The following STXBP6 variants were observed in gnomAD, a reference collection of about 807,000 sequenced individuals.
STXBP6 encodes syntaxin-binding protein 6.
Under a neutral mutation model 26.9 loss-of-function variants are expected in STXBP6, and 21 were observed. That is an observed-to-expected ratio of 0.78 (90% CI 0.55 to 1.12). STXBP6 has a LOEUF of 1.12. Ranked by LOEUF, STXBP6 falls within the 50% of genes most tolerant of loss-of-function variation. The probability of loss-of-function intolerance (pLI) is 0.00; values close to 1 mark genes in which losing one functional copy is unlikely to be tolerated. For missense variants in STXBP6, 232 were observed against 257.9 expected, an observed-to-expected ratio of 0.90 and a Z score of 0.69; for synonymous variants, 97 against 92.6, an observed-to-expected ratio of 1.05 and a Z score of -0.27.
At chr14:24,851,381 T>TCCCCCCC (rs71449217) in intron 4 of STXBP6, among the ~76,000 whole-genome samples, 1 of 123,394 alleles carries the variant, frequency 8.1e-6, no homozygotes, top group Non-Finnish European at 1.7e-5. Flanking sequence ...ATGCTATCCC[T>TCCCCCCC]CCCCCCTCCC....
rs2075778233 is a variant in STXBP6, at chr14:25,049,787, C to T, written c.-33+91G>A. On this transcript the variant is annotated intron_variant, in intron 1 of 5. Transcript: ENST00000323944. The surrounding 1 kb of genome is among the most constrained non-coding windows in gnomAD (Gnocchi z 5.6). ...ACAGCCACCCGCCTCGGACGGAGCG[C>T]CAGGCGCCCCAACAGCCGTGGCGGC... 1 of 985,618 alleles carries T rather than the reference C, an allele frequency of 1.0e-6. No homozygotes were observed. Among genetic ancestry groups the T allele is most frequent in the African/African-American group, 1.7e-5 (1 of 57,264 alleles). The allele number at this position is 985,618 out of a possible 1,614,324, so 61.1% of individuals were successfully genotyped here.
chr14:24,909,878 G>A (rs1010410721), intron 2 of STXBP6, among the ~76,000 whole-genome samples: 1 of 151,580 alleles, frequency 6.6e-6, no homozygotes, highest in African/African-American at 2.4e-5. Context: ...ACAATGCTCC[G>A]GAATCTAGGA....
At chr14:25,027,742 G>A (rs115696862) in intron 1 of STXBP6, among the ~76,000 whole-genome samples, 2,194 of 152,328 alleles carry the variant, frequency 0.014, 45 homozygotes, top group African/African-American at 0.048. Context: ...CTGAAAGCTA[G>A]GCCTCTTGCC....
chr14:24,837,150 G>T (rs944758642), intron 4 of STXBP6, among the ~76,000 whole-genome samples: 2 of 152,110 alleles, frequency 1.3e-5, no homozygotes, highest in Non-Finnish European at 2.9e-5. Flanking sequence ...TGACACAAAT[G>T]ATCTAAAACA....
chr14:24,851,541 G>A (rs1247461813), intron 4 of STXBP6, among the ~76,000 whole-genome samples: 1 of 152,036 alleles, frequency 6.6e-6, no homozygotes, highest in Non-Finnish European at 1.5e-5. Flanking sequence ...TGTTTGAAAT[G>A]AATTAGCTGA....
intron 1 of STXBP6, among the ~76,000 whole-genome samples, chr14:24,996,885 A>G (rs1012214049): frequency 7.9e-5 from 12 of 151,340 alleles, no homozygotes; most frequent in Non-Finnish European, 1.6e-4. Flanking sequence ...AAAAAAAAAA[A>G]AGAGAAGGGA....
chr14:24,950,944 T>C (rs2073149095), intron 2 of STXBP6, among the ~76,000 whole-genome samples: 1 of 151,946 alleles, frequency 6.6e-6, no homozygotes, highest in Non-Finnish European at 1.5e-5. Context: ...CCTGTGTCCA[T>C]GTGTTCTCAC....
chr14:24,931,142 ACC>A (rs1193899767), intron 2 of STXBP6, among the ~76,000 whole-genome samples: 19 of 113,752 alleles, frequency 1.7e-4, no homozygotes, highest in South Asian at 3.1e-4. Context: ...AAAAAAAAAA[ACC>A]CAAACACCAC....
At chr14:24,853,084 T>G (rs1462438404) in intron 4 of STXBP6, among the ~76,000 whole-genome samples, 1 of 152,108 alleles carries the variant, frequency 6.6e-6, no homozygotes, top group Non-Finnish European at 1.5e-5. Context: ...CAGTATTAGT[T>G]CTTTAAAATC....
At chr14:24,878,074 C>A (rs2070212816) in intron 2 of STXBP6, among the ~76,000 whole-genome samples, 1 of 151,916 alleles carries the variant, frequency 6.6e-6, no homozygotes, top group Non-Finnish European at 1.5e-5. Context: ...TTGTGTTGAC[C>A]ACCTTTTTCT....
chr14:25,012,204 G>C (rs1225042057), intron 1 of STXBP6, among the ~76,000 whole-genome samples: 1 of 152,200 alleles, frequency 6.6e-6, no homozygotes, highest in Non-Finnish European at 1.5e-5. Context: ...TATGTATGTA[G>C]CATGAAACAT....
At chr14:25,004,426 C>T (rs939691878) in intron 1 of STXBP6, among the ~76,000 whole-genome samples, 4 of 152,180 alleles carry the variant, frequency 2.6e-5, no homozygotes, top group Non-Finnish European at 4.4e-5. Flanking sequence ...GAGAATTATA[C>T]ACATGGGGGA....
chr14:24,969,623 T>G (rs1180798531), intron 2 of STXBP6, among the ~76,000 whole-genome samples: 1 of 152,236 alleles, frequency 6.6e-6, no homozygotes, highest in African/African-American at 2.4e-5. Context: ...ACATTTTCCA[T>G]TAAGCATCTA....
chr14:24,860,051 A>G (rs1294025729), intron 2 of STXBP6, among the ~76,000 whole-genome samples: 1 of 152,192 alleles, frequency 6.6e-6, no homozygotes, highest in African/African-American at 2.4e-5. Flanking sequence ...CAGTGACACA[A>G]ACTATTATGT....
chr14:24,860,301 T>C (rs1200892530), intron 2 of STXBP6, among the ~76,000 whole-genome samples: 1 of 152,112 alleles, frequency 6.6e-6, no homozygotes, highest in Non-Finnish European at 1.5e-5. Context: ...GACCATGTCA[T>C]AACAAATTGG....
intron 2 of STXBP6, among the ~76,000 whole-genome samples, chr14:24,936,197 A>G (rs185433344): frequency 9.8e-5 from 15 of 152,330 alleles, no homozygotes; most frequent in African/African-American, 3.1e-4. Context: ...CATTAGTCCC[A>G]GACTCTACTT....
chr14:25,023,899 G>A (rs1468252726), intron 1 of STXBP6, among the ~76,000 whole-genome samples: 1 of 152,256 alleles, frequency 6.6e-6, no homozygotes. Flanking sequence ...CTGGGAGGTC[G>A]ATAGGGCACA....
At chr14:24,961,171 G>A (rs1434713509) in intron 2 of STXBP6, among the ~76,000 whole-genome samples, 2 of 152,064 alleles carry the variant, frequency 1.3e-5, no homozygotes, top group Non-Finnish European at 2.9e-5. Context: ...CACAGGAACA[G>A]AAAACAAAAT....
In STXBP6 at chr14:24,831,723, T is replaced by TA. The variant is rs2068458765; in HGVS notation, c.452-12530dup. Among the ~76,000 whole-genome samples the TA allele has an allele frequency of 3.9e-5, 6 of 152,332 alleles. No individual in the cohort carries two copies. The South Asian group carries it at 1.2e-3, about 32-fold the overall frequency. Reference sequence around the variant, plus strand: ...GATGTGTCCAGCCCAAATTGGTTCTTAGAGAAGTTTTACCTCAAATTCAAA... The same window carrying TA: ...GATGTGTCCAGCCCAAATTGGTTCTTAAGAGAAGTTTTACCTCAAATTCAAA... On this transcript the variant is annotated intron_variant, in intron 4 of 5. Coordinates refer to ENST00000323944, the MANE Select transcript of STXBP6 (RefSeq NM_001394410.1).
Sources: gnomAD v4.1 joint callset for allele counts (sites outside exome capture counted in the v4.1 genomes callset) on GRCh38, gnomAD v4.1.1 for gene constraint, Gnocchi (gnomAD v3.1) non-coding constraint, MANE v1.5 for transcripts, NCBI Gene and HGNC (gene_info 2026-07-23, HGNC 2026-07-21) for gene names.